AMZ1: variants seen among roughly 807,000 people sequenced by gnomAD.
AMZ1 encodes the protein archaelysin family metallopeptidase 1, also known as archaemetzincin-1.
A neutral mutation model predicts 29.9 loss-of-function variants in AMZ1; 39 were observed. That is an observed-to-expected ratio of 1.30 (90% CI 1.01 to 1.70). AMZ1 has a LOEUF of 1.70. Ranked by LOEUF, AMZ1 falls within the 40% of genes most tolerant of loss-of-function variation. The probability of loss-of-function intolerance (pLI) is 0.00; values close to 1 mark genes in which losing one functional copy is unlikely to be tolerated. For missense variants in AMZ1, 1,041 were observed against 680.6 expected (o/e 1.53, Z -5.89); for synonymous variants, 458 against 304.0 (o/e 1.51, Z -5.27).
rs1052830518 is a variant in AMZ1 at position 2,731,856 on chromosome 7, G to C, written n.550+22040G>C. On this transcript the variant is annotated intron_variant and non_coding_transcript_variant, in intron 4 of 4. Transcript: ENST00000489665. The surrounding 1 kb of genome is among the most constrained non-coding windows in gnomAD (Gnocchi z 6.0). ...ATAAGAAGGAAAGAGACTGACTTTT[G>C]CAACAGGTTGAACCAGAAACCAAAA... 5 of 604,836 alleles carry C rather than the reference G, an allele frequency of 8.3e-6. No individual in the cohort carries two copies. In the East Asian group the frequency reaches 8.5e-5, roughly 10 times the overall value. The allele number at this position is 604,836 out of a possible 1,614,324, so 37.5% of individuals were successfully genotyped here. A position where few individuals can be genotyped will look rare whatever the true frequency, so the allele number is the denominator to read the frequency against.
Position 2,712,740 on chromosome 7 carries a change from C to A in AMZ1, c.1359C>A (p.Asp453Glu). The A allele has an allele frequency of 6.2e-7, 1 of 1,605,974 alleles. No individual in the cohort carries two copies. The highest frequency in any genetic ancestry group is 8.5e-7 in the Non-Finnish European group (1 of 1,175,632). Residue 453 changes from aspartate (D) to glutamate (E), a missense_variant, in exon 7 of 7, where the codon GAC (aspartate) becomes GAA (glutamate). Physicochemically the swap from Asp to Glu is conservative, Grantham distance 45. Coordinates refer to ENST00000683327, the MANE Select transcript of AMZ1 (RefSeq NM_001384743.1). ...GCCAGCTCCCGGCCACCAGGCAGGA[C>A]CCACCCAGCAGCAGGGACAGCGTGG... ...FTGQLPATRQDPPSSRDSVGL... is the reference protein window; with the variant it reads ...FTGQLPATRQEPPSSRDSVGL...
Position 2,709,083 on chromosome 7 carries a change from G to A in AMZ1, c.610G>A (p.Val204Ile), listed in dbSNP as rs144255482. ...TCTCCATCTCTCTCCAGAAGTGGGCGTCTGCAGCTTCGCCCGGTTCTCAGG... is the reference window on the plus strand; with the variant it reads ...TCTCCATCTCTCTCCAGAAGTGGGCATCTGCAGCTTCGCCCGGTTCTCAGG... ...SKFLPGHEVG[V>I]CSFARFSGEF... The change falls in exon 5 of 7, where the codon GTC (valine) becomes ATC (isoleucine). Residue 204 changes from valine (V) to isoleucine (I), a missense_variant. Val to Ile is a conservative substitution (Grantham distance 29). Coordinates refer to ENST00000683327, the MANE Select transcript of AMZ1 (RefSeq NM_001384743.1). The A allele has an allele frequency of 4.5e-4, 719 of 1,591,342 alleles. 5 individuals carry two copies. The African/African-American group carries it at 7.9e-3, about 17-fold the overall frequency.
intron 3 of AMZ1, among the ~76,000 whole-genome samples, chr7:2,707,894 G>A (rs1788459587): frequency 7.0e-6 from 1 of 141,942 alleles, no homozygotes; most frequent in African/African-American, 2.7e-5. Context: ...CGTGATGTCA[G>A]CTCATTGCCA....
upstream of AMZ1, among the ~76,000 whole-genome samples, chr7:2,764,244 CT>C (rs35992308): frequency 0.27 from 37,366 of 139,216 alleles, 4,997 homozygotes; most frequent in Non-Finnish European, 0.3. Flanking sequence ...CAGCTAATTT[CT>C]TTTTTTTTTT....
rs1341585615 is a variant in AMZ1, at chr7:2,714,484, G to GTC, written c.*1607_*1608insCT. ...CTCTTTTGCGTAGCTTCAAAAAGGCGTAACAGTGACCTGGGAGGGGAGATG... is the reference window on the plus strand; with the variant it reads ...CTCTTTTGCGTAGCTTCAAAAAGGCGTCTAACAGTGACCTGGGAGGGGAGATG... On this transcript the variant is annotated 3_prime_UTR_variant, in exon 7 of 7. Transcript: ENST00000683327. 6.6e-6 allele frequency: 1 copy of GTC among 152,296 alleles called. No individual in the cohort carries two copies. Among genetic ancestry groups the GTC allele is most frequent in the Non-Finnish European group, 1.5e-5 (1 of 68,032 alleles). The allele number at this position is 152,296 out of a possible 1,614,324, so 9.4% of individuals were successfully genotyped here.
At chr7:2,696,257 A>ATTT (rs527280174) in intron 1 of AMZ1, among the ~76,000 whole-genome samples, 8,181 of 121,998 alleles carry the variant, frequency 0.067, 476 homozygotes, top group South Asian at 0.11. Context: ...CTTGATAGTC[A>ATTT]TTTTTTTTTT....
chr7:2,734,489 G>C (rs575623786), intron 4 of AMZ1, among the ~76,000 whole-genome samples: 3 of 152,314 alleles, frequency 2.0e-5, no homozygotes, highest in Non-Finnish European at 4.4e-5. Context: ...CACATGTGGC[G>C]AGCTGACGCA....
chr7:2,704,603 TTTTTTTTTTTTA>T (rs1297586101), intron 3 of AMZ1, among the ~76,000 whole-genome samples: 4 of 128,596 alleles, frequency 3.1e-5, no homozygotes, highest in African/African-American at 8.9e-5. Context: ...TTTTTTTTTT[TTTTTTTTTTTTA>T]AGACGGAGTC....
upstream of AMZ1, chr7:2,763,073 T>G: frequency 1.6e-6 from 2 of 1,248,238 alleles, no homozygotes; most frequent in East Asian, 3.1e-5. Flanking sequence ...CGGGGCTCCC[T>G]ACCAGCCTTG....
intron 4 of AMZ1, among the ~76,000 whole-genome samples, chr7:2,755,800 G>C (rs1043297459): frequency 6.6e-6 from 1 of 152,162 alleles, no homozygotes; most frequent in African/African-American, 2.4e-5. Context: ...ACTGAAAACT[G>C]AAGAACACTT....
chr7:2,721,936 A>G (rs1789438699), downstream of AMZ1, among the ~76,000 whole-genome samples: 1 of 152,234 alleles, frequency 6.6e-6, no homozygotes, highest in Non-Finnish European at 1.5e-5. Flanking sequence ...AACCTCGTAC[A>G]CTGTATTCGT....
downstream of AMZ1, among the ~76,000 whole-genome samples, chr7:2,721,784 G>T (rs1052374081): frequency 1.3e-5 from 2 of 151,914 alleles, no homozygotes; most frequent in South Asian, 4.2e-4. Flanking sequence ...CAGCAGTGGC[G>T]GGGGAGGCAG....
At position 2,714,345 on chromosome 7, in the gene AMZ1, G is replaced by A. The variant is rs1788994733; in HGVS notation, c.*1467G>A. The A allele has an allele frequency of 6.6e-6, 1 of 152,398 alleles. No individual in the cohort carries two copies. Among genetic ancestry groups the A allele is most frequent in the African/African-American group, 2.4e-5 (1 of 41,454 alleles). The allele number at this position is 152,398 out of a possible 1,614,324, so 9.4% of individuals were successfully genotyped here. ...GTGAGGTGGGCTGAGGCTTCCTTGT[G>A]AATCTGACATTGGTGGAGGCCGACT... is the stretch of plus-strand genomic sequence containing the variant. On this transcript the variant is annotated 3_prime_UTR_variant, in exon 7 of 7. Transcript: ENST00000683327.
At chr7:2,750,277 T>G (rs893829582) in intron 4 of AMZ1, among the ~76,000 whole-genome samples, 1 of 152,204 alleles carries the variant, frequency 6.6e-6, no homozygotes, top group Non-Finnish European at 1.5e-5. Flanking sequence ...GACACACTGC[T>G]GCCCCCAAAC....
intron 3 of AMZ1, among the ~76,000 whole-genome samples, chr7:2,706,319 A>C (rs990316753): frequency 1.3e-5 from 2 of 152,158 alleles, no homozygotes; most frequent in South Asian, 4.1e-4. Flanking sequence ...GACACGTGCC[A>C]TCACACCTGG....
chr7:2,708,573 G>A lies in AMZ1; in HGVS notation c.473-15G>A. 2 of 1,611,362 alleles carry A rather than the reference G, an allele frequency of 1.2e-6. No homozygotes were observed. Among genetic ancestry groups the A allele is most frequent in the Non-Finnish European group, 1.7e-6 (2 of 1,179,812 alleles). ...GGCTGCCTCCTGACCCCATCCTCTGGCCCTCTCCCCGCAGACGGCATCCTG... is the reference window on the plus strand; with the variant it reads ...GGCTGCCTCCTGACCCCATCCTCTGACCCTCTCCCCGCAGACGGCATCCTG... On this transcript the variant is annotated splice_polypyrimidine_tract_variant and intron_variant, in intron 3 of 6. Transcript: ENST00000683327.
chr7:2,729,961 C>T (rs1466491904), intron 4 of AMZ1: 7 of 152,464 alleles, frequency 4.6e-5, no homozygotes, highest in East Asian at 1.9e-4. Context: ...CAGCGGCATC[C>T]GAGAGTGTTT....
chr7:2,698,034 T>C (rs1240210500), intron 1 of AMZ1, among the ~76,000 whole-genome samples: 17 of 152,242 alleles, frequency 1.1e-4, no homozygotes, highest in Non-Finnish European at 4.4e-5. Flanking sequence ...ATCAAATTTA[T>C]TTATGTATTC....
intron 4 of AMZ1, among the ~76,000 whole-genome samples, chr7:2,755,890 C>T (rs1791270153): frequency 6.6e-6 from 1 of 152,170 alleles, no homozygotes; most frequent in Non-Finnish European, 1.5e-5. Context: ...GTTGTTTATG[C>T]TCCCCAAATT....
Sources: gnomAD v4.1 joint callset for allele counts (sites outside exome capture counted in the v4.1 genomes callset) on GRCh38, gnomAD v4.1.1 for gene constraint, Gnocchi (gnomAD v3.1) non-coding constraint, MANE v1.5 for transcripts, NCBI Gene and HGNC (gene_info 2026-07-23, HGNC 2026-07-21) for gene names.